Variants in BTBD1 observed in about 807,000 individuals in gnomAD.
BTBD1 encodes the protein BTB domain containing 1, also known as BTB/POZ domain-containing protein 1.
Under a neutral mutation model 48.0 loss-of-function variants are expected in BTBD1, and 34 were observed. That is an observed-to-expected ratio of 0.71 (90% CI 0.54 to 0.94). The LOEUF (loss-of-function observed/expected upper bound fraction) is 0.94, where lower values mean the gene tolerates loss of function less well. BTBD1 is among the 40% of genes least tolerant of loss of function. The pLI is 0.00. For synonymous variants in BTBD1, 261 were observed against 242.1 expected (o/e 1.08, Z -0.72); for missense variants, 543 against 625.6 (o/e 0.87, Z 1.41).
intron 3 of BTBD1, among the ~76,000 whole-genome samples, chr15:83,048,170 G>A (rs1299129067): frequency 6.6e-6 from 1 of 152,164 alleles, no homozygotes; most frequent in African/African-American, 2.4e-5. Flanking sequence ...GGGTATGAGA[G>A]AAAGAATAAC....
At chr15:83,047,255 T>G (rs2032898357) in intron 3 of BTBD1, among the ~76,000 whole-genome samples, 1 of 152,180 alleles carries the variant, frequency 6.6e-6, no homozygotes, top group African/African-American at 2.4e-5. Context: ...GGAACAGGGA[T>G]TGCTTAGGGG....
intron 1 of BTBD1, among the ~76,000 whole-genome samples, chr15:83,057,185 C>G (rs759762284): frequency 3.3e-5 from 5 of 152,104 alleles, no homozygotes; most frequent in African/African-American, 9.7e-5. Flanking sequence ...ATAAGAAAAC[C>G]AAGGCTGAGG....
At chr15:83,034,994 T>G (rs1413255710) in intron 4 of BTBD1, among the ~76,000 whole-genome samples, 1 of 152,178 alleles carries the variant, frequency 6.6e-6, no homozygotes, top group Non-Finnish European at 1.5e-5. Context: ...CATGGATACT[T>G]ATTACAACTA....
At position 83,043,919 on chromosome 15, in the gene BTBD1, T is replaced by C. The variant is rs576647394; in HGVS notation, c.665-1994A>G. Among the ~76,000 whole-genome samples the C allele has an allele frequency of 7.9e-5, 12 of 152,302 alleles. No individual in the cohort carries two copies. The South Asian group carries it at 2.3e-3, about 29-fold the overall frequency. On this transcript the variant is annotated intron_variant, in intron 3 of 7. Coordinates refer to ENST00000261721, the MANE Select transcript of BTBD1 (RefSeq NM_025238.4). ...ACTCAGAACCCTTTTCCTCTTATGA[T>C]AGGCAAAATTAAAATAAGCTCAGTT...
chr15:83,020,899 A>C (rs1485947264), intron 5 of BTBD1, 137 bp from the exon 6 acceptor site: 5 of 546,312 alleles, frequency 9.2e-6, no homozygotes, highest in Non-Finnish European at 1.6e-5. Context: ...TATCCTTGGA[A>C]ATGTCATCTG....
chr15:83,044,882 C>T, intron 3 of BTBD1: 1 of 679,856 alleles, frequency 1.5e-6, no homozygotes, highest in Non-Finnish European at 2.6e-6. Context: ...TTATCTTTAT[C>T]ACAAACGTTT....
chr15:83,020,456 C>A (rs552789091), intron 6 of BTBD1: 1 of 422,640 alleles, frequency 2.4e-6, no homozygotes, highest in East Asian at 3.8e-5. Context: ...CAAAGAAGAG[C>A]TCCTTATATG....
rs756114451 is a variant in BTBD1 at position 83,066,887 on chromosome 15, G to C, written c.265C>G (p.Arg89Gly). The change falls in exon 1 of 8, where the codon CGC becomes GGC. Residue 89 changes from arginine (R) to glycine (G), a missense_variant. Coordinates refer to ENST00000261721, the MANE Select transcript of BTBD1 (RefSeq NM_025238.4). ...AGCACGAAGCGGTGGGCGGGGATGC[G>C]CTGCGGGCCCCCAGCGGCGGCGGCG... ...RGAAAAGGPQ[R>G]IPAHRFVLAA... 3 of 1,504,010 alleles carry C rather than the reference G, an allele frequency of 2.0e-6. No individual in the cohort carries two copies. The highest frequency in any genetic ancestry group is 4.9e-5 in the Admixed American group (2 of 40,484). 93.2% of individuals were successfully genotyped at this position (1,504,010 alleles called of 1,614,324 possible). A position where few individuals can be genotyped will look rare whatever the true frequency, so the allele number is the denominator to read the frequency against.
intron 4 of BTBD1, among the ~76,000 whole-genome samples, chr15:83,038,781 G>A (rs1023321686): frequency 3.9e-5 from 6 of 152,008 alleles, no homozygotes; most frequent in Non-Finnish European, 5.9e-5. Context: ...ACAAAATGGG[G>A]AAAGATCCCT....
intron 2 of BTBD1, among the ~76,000 whole-genome samples, chr15:83,051,770 GA>G (rs1397833893): frequency 6.6e-6 from 1 of 150,922 alleles, no homozygotes; most frequent in Non-Finnish European, 1.5e-5. Context: ...CAAATTTATA[GA>G]AAAGTTGAAA....
intron 3 of BTBD1, among the ~76,000 whole-genome samples, chr15:83,045,949 T>C (rs781717383): frequency 3.3e-5 from 5 of 152,220 alleles, no homozygotes; most frequent in Non-Finnish European, 7.3e-5. Flanking sequence ...AATTATCTTC[T>C]TCCTTTAGCA....
At chr15:83,029,856 G>A (rs993565502) in intron 5 of BTBD1, 14 of 363,884 alleles carry the variant, frequency 3.8e-5, no homozygotes, top group Middle Eastern at 8.0e-4. Context: ...GTGACAGAGC[G>A]ACTCCATCTT....
intron 4 of BTBD1, among the ~76,000 whole-genome samples, chr15:83,035,021 C>T (rs747893233): frequency 2.6e-5 from 4 of 152,140 alleles, no homozygotes; most frequent in Admixed American, 2.0e-4. Context: ...GGGCCAGGCA[C>T]GGTGGCTCAT....
chr15:83,044,857 C>T (rs1012381293), intron 3 of BTBD1: 1 of 788,914 alleles, frequency 1.3e-6, no homozygotes, highest in African/African-American at 1.7e-5. Flanking sequence ...TGTTTTTTTT[C>T]ATTACTGTGT....
chr15:83,030,911 A>G (rs2032503433), intron 4 of BTBD1: 2 of 152,012 alleles, frequency 1.3e-5, no homozygotes, highest in South Asian at 4.1e-4. Context: ...CAAATCAGCA[A>G]GAAAAAAAAA....
chr15:83,033,934 A>C (rs1837208911), intron 4 of BTBD1, among the ~76,000 whole-genome samples: 1 of 151,948 alleles, frequency 6.6e-6, no homozygotes, highest in South Asian at 2.1e-4. Context: ...TATTCTTGTA[A>C]TAACAAGGGC....
intron 3 of BTBD1, among the ~76,000 whole-genome samples, chr15:83,042,683 C>A (rs989604433): frequency 5.3e-5 from 8 of 152,152 alleles, no homozygotes; most frequent in Non-Finnish European, 8.8e-5. Context: ...CGCGCCCAGC[C>A]AGCACTGATA....
rs2032521476 is a variant in BTBD1 at position 83,031,768 on chromosome 15, A to G, written c.863-1440T>C. Among the ~76,000 whole-genome samples the G allele has an allele frequency of 5.3e-5, 8 of 152,298 alleles. No homozygotes were observed. In the South Asian group the frequency reaches 1.7e-3, roughly 32 times the overall value. ...GTTGTGCACATGTACCCTAGAACTT[A>G]AAGTATAATTAAAAAAAAAAAGAAG... On this transcript the variant is annotated intron_variant, in intron 4 of 7. Transcript: ENST00000261721.
At chr15:83,024,330 G>A (rs930639015) in intron 5 of BTBD1, 1 of 152,220 alleles carries the variant, frequency 6.6e-6, no homozygotes, top group Non-Finnish European at 1.5e-5. Context: ...ATTATATAGA[G>A]ATGATAGTTA....
Sources: allele counts gnomAD v4.1 joint callset (sites outside exome capture counted in the v4.1 genomes callset), GRCh38; gene constraint gnomAD v4.1.1; transcripts MANE v1.5; gene names NCBI Gene and HGNC (gene_info 2026-07-23, HGNC 2026-07-21).